The following USP17L7 variants were observed in gnomAD, a reference collection of about 807,000 sequenced individuals.
USP17L7 encodes inactive ubiquitin carboxyl-terminal hydrolase 17-like protein 7.
USP17L7 carries 53 observed loss-of-function variants against 37.6 expected under a neutral mutation model. That is an observed-to-expected ratio of 1.41 (90% confidence interval 1.13 to 1.77). USP17L7 has a LOEUF of 1.77. USP17L7 is among the 40% of genes most tolerant of loss of function. USP17L7 has a pLI of 0.00. For synonymous variants in USP17L7, 330 were observed against 251.0 expected, an observed-to-expected ratio of 1.31 and a Z score of -2.98; for missense variants, 914 against 645.0, an observed-to-expected ratio of 1.42 and a Z score of -4.52.
rs141419210 is a variant in USP17L7, at chr8:12,133,630, G to A, written c.380C>T (p.Thr127Ile). 2.5e-4 allele frequency: 313 copies of A among 1,229,266 alleles called. 23 individuals are homozygous for A. The African/African-American group carries it at 3.8e-3, about 15-fold the overall frequency. The allele number at this position is 1,229,266 out of a possible 1,614,324, so 76.1% of individuals were successfully genotyped here. Reference sequence around the variant, plus strand: ...GGCCCATGTGATGTGAGCTTGCATAGTACAGAACATGCAGCACTTGTGAAG... The same window carrying A: ...GGCCCATGTGATGTGAGCTTGCATAATACAGAACATGCAGCACTTGTGAAG... ...CHLHKCCMFCTMQAHITWALH... is the reference protein window; with the variant it reads ...CHLHKCCMFCIMQAHITWALH... Residue 127 changes from threonine (T) to isoleucine (I), a missense_variant, in exon 1 of 1, where the codon ACT becomes ATT. Transcript: ENST00000530447.
At position 12,133,872 on chromosome 8, in the gene USP17L7, C is replaced by G. The variant is rs1390206826; in HGVS notation, c.138G>C (p.Glu46Asp). 22 of 1,519,314 alleles carry G rather than the reference C, an allele frequency of 1.4e-5. 4 individuals are homozygous for G. The highest frequency in any genetic ancestry group is 1.9e-5 in the Non-Finnish European group (21 of 1,118,282). The allele number at this position is 1,519,314 out of a possible 1,614,324, so 94.1% of individuals were successfully genotyped here. Residue 46 changes from glutamate to aspartate, a missense_variant, in exon 1 of 1, where the codon GAG becomes GAC. Physicochemically the swap from Glu to Asp is conservative, Grantham distance 45 (BLOSUM62 2). Transcript: ENST00000530447. ...SLSEKSPLSSETRFDLCDDLA... is the reference protein window; with the variant it reads ...SLSEKSPLSSDTRFDLCDDLA... Reference sequence around the variant, plus strand: ...AATCATCACAGAGGTCGAAACGGGTCTCAGATGAGAGTGGTGACTTTTCAG... The same window carrying G: ...AATCATCACAGAGGTCGAAACGGGTGTCAGATGAGAGTGGTGACTTTTCAG...
chr8:12,132,772 G>A lies in USP17L7; in HGVS notation c.1238C>T (p.Pro413Leu), dbSNP rs768352653. 2 of 1,523,722 alleles carry A rather than the reference G, an allele frequency of 1.3e-6. No individual in the cohort carries two copies. The highest frequency in any genetic ancestry group is 1.8e-6 in the Non-Finnish European group (2 of 1,119,890). The allele number at this position is 1,523,722 out of a possible 1,614,324, so 94.4% of individuals were successfully genotyped here. A position where few individuals can be genotyped will look rare whatever the true frequency, so the allele number is the denominator to read the frequency against. The change falls in exon 1 of 1, where the codon CCT (proline) becomes CTT (leucine). Residue 413 changes from proline (P) to leucine (L), a missense_variant. By Grantham distance (98) the Pro-to-Leu change is moderately conservative. Transcript: ENST00000530447. ...GTCCAACTCGGGTACCTGGAGGCAA[G>A]GGTGGTCTCTCTTGAGCTCTCCTTG... ...ATQGELKRDHPCLQVPELDEH... is the reference protein window; with the variant it reads ...ATQGELKRDHLCLQVPELDEH...
In USP17L7 at chr8:12,133,998, G is replaced by C. The variant is rs774193678; in HGVS notation, c.12C>G (p.Asp4Glu). Residue 4 changes from aspartate to glutamate, a missense_variant, in exon 1 of 1, where the codon GAC (aspartate) becomes GAG (glutamate). Physicochemically the swap from Asp to Glu is conservative, Grantham distance 45. Transcript: ENST00000530447. MED[D>E]SLYLGGDWQF... is the part of the protein sequence containing the mutation. ...GCCAGTCACCTCCCAAATAGAGTGAGTCGTCTTCCATGTCGCCCGCAACAA... is the reference window on the plus strand; with the variant it reads ...GCCAGTCACCTCCCAAATAGAGTGACTCGTCTTCCATGTCGCCCGCAACAA... The C allele has an allele frequency of 1.1e-5, 12 of 1,066,080 alleles. No individual in the cohort carries two copies. The highest frequency in any genetic ancestry group is 2.7e-5 in the East Asian group (1 of 36,494). 66.0% of individuals were successfully genotyped at this position (1,066,080 alleles called of 1,614,324 possible). A position where few individuals can be genotyped will look rare whatever the true frequency, so the allele number is the denominator to read the frequency against.
At position 12,133,700 on chromosome 8, in the gene USP17L7, G is replaced by A. The variant is rs1803050730; in HGVS notation, c.310C>T (p.Leu104Phe). ...SLQCLTYTLP[L>F]SNYMLSREDS... Reference sequence around the variant, plus strand: ...TCCCGGGACAGCATGTAGTTGGAAAGCGGCAGTGTGTATGTCAGGCACTGC... The same window carrying A: ...TCCCGGGACAGCATGTAGTTGGAAAACGGCAGTGTGTATGTCAGGCACTGC... The change falls in exon 1 of 1, where the codon CTT becomes TTT. Residue 104 changes from leucine to phenylalanine, a missense_variant. Physicochemically the swap from Leu to Phe is conservative, Grantham distance 22. Coordinates refer to ENST00000530447, the MANE Select transcript of USP17L7 (RefSeq NM_001256869.2). The A allele has an allele frequency of 4.7e-6, 6 of 1,284,102 alleles. No homozygotes were observed. The highest frequency in any genetic ancestry group is 2.7e-4 in the Middle Eastern group (1 of 3,678). The allele number at this position is 1,284,102 out of a possible 1,614,324, so 79.5% of individuals were successfully genotyped here.
Position 12,132,965 on chromosome 8 carries a change from T to A in USP17L7, c.1045A>T (p.Met349Leu), listed in dbSNP as rs779401180. ...GAGGCAGTGACCTCGGCATCATCCATTTTATACCACTGGCCTTCTTGAGCT... is the reference window on the plus strand; with the variant it reads ...GAGGCAGTGACCTCGGCATCATCCAATTTATACCACTGGCCTTCTTGAGCT... Reference protein sequence around the residue: ...VKAQEGQWYKMDDAEVTASGI... With the variant: ...VKAQEGQWYKLDDAEVTASGI... The change falls in exon 1 of 1, where the codon ATG becomes TTG. Residue 349 changes from methionine (M) to leucine (L), a missense_variant. By Grantham distance (15) the Met-to-Leu change is conservative. Coordinates refer to ENST00000530447, the MANE Select transcript of USP17L7 (RefSeq NM_001256869.2). 19 of 1,531,242 alleles carry A rather than the reference T, an allele frequency of 1.2e-5. 3 individuals are homozygous for A. The Admixed American group carries it at 3.3e-4, about 27-fold the overall frequency. The allele number at this position is 1,531,242 out of a possible 1,614,324, so 94.9% of individuals were successfully genotyped here. A position where few individuals can be genotyped will look rare whatever the true frequency, so the allele number is the denominator to read the frequency against.
rs760745770 is a variant in USP17L7, at chr8:12,132,453, G to A, written c.1557C>T (p.Asn519=). 2.1e-6 allele frequency: 3 copies of A among 1,442,310 alleles called. No individual in the cohort carries two copies. Among genetic ancestry groups the A allele is most frequent in the Non-Finnish European group, 1.9e-6 (2 of 1,049,510 alleles). The allele number at this position is 1,442,310 out of a possible 1,614,324, so 89.3% of individuals were successfully genotyped here. The change falls in exon 1 of 1, where the codon AAC becomes AAT. Residue 519 remains asparagine (N), a synonymous_variant. Coordinates refer to ENST00000530447, the MANE Select transcript of USP17L7 (RefSeq NM_001256869.2). Reference sequence around the variant, plus strand: ...CAAGCAGAGATCTCTTGCTGTGTTTGTTATTCCCTTTGGATCTCCTGGTGC... The same window carrying A: ...CAAGCAGAGATCTCTTGCTGTGTTTATTATTCCCTTTGGATCTCCTGGTGC... The part of the protein sequence containing the change: ...QGSTRRSKGN[N]KHSKRSLLVC...
Position 12,134,024 on chromosome 8 carries a change from G to T in USP17L7, c.-15C>A. 1.0e-6 allele frequency: 1 copy of T among 954,908 alleles called. No individual in the cohort carries two copies. The highest frequency in any genetic ancestry group is 1.6e-6 in the Non-Finnish European group (1 of 607,740). 59.2% of individuals were successfully genotyped at this position (954,908 alleles called of 1,614,324 possible). A position where few individuals can be genotyped will look rare whatever the true frequency, so the allele number is the denominator to read the frequency against. On this transcript the variant is annotated 5_prime_UTR_variant, in exon 1 of 1. Coordinates refer to ENST00000530447, the MANE Select transcript of USP17L7 (RefSeq NM_001256869.2). ...TCGTCTTCCATGTCGCCCGCAACAA[G>T]GATCACAAGGTTTTTCTGCTGGGAC...
Position 12,133,917 on chromosome 8 carries a change from T to G in USP17L7, c.93A>C (p.Glu31Asp). ...TSSRLDAAFA[E>D]IQRTSLSEKS... ...TTTCAGAGAGAGAAGTCCGCTGGAT[T>G]TCAGCAAAAGCTGCATCTAGCCGAG... The change falls in exon 1 of 1, where the codon GAA becomes GAC. Residue 31 changes from glutamate (E) to aspartate (D), a missense_variant. Glu to Asp is a conservative substitution (Grantham distance 45). Transcript: ENST00000530447. 2 of 1,457,070 alleles carry G rather than the reference T, an allele frequency of 1.4e-6. No individual in the cohort carries two copies. The highest frequency in any genetic ancestry group is 1.9e-6 in the Non-Finnish European group (2 of 1,063,272). The allele number at this position is 1,457,070 out of a possible 1,614,324, so 90.3% of individuals were successfully genotyped here. A position where few individuals can be genotyped will look rare whatever the true frequency, so the allele number is the denominator to read the frequency against.
In USP17L7 at chr8:12,133,645, C is replaced by T. The variant is rs752179388; in HGVS notation, c.365G>A (p.Cys122Tyr). 34 of 1,227,684 alleles carry T rather than the reference C, an allele frequency of 2.8e-5. 5 individuals are homozygous for T. In the South Asian group the frequency reaches 3.5e-4, roughly 13 times the overall value. 76.0% of individuals were successfully genotyped at this position (1,227,684 alleles called of 1,614,324 possible). Reference sequence around the variant, plus strand: ...AGCTTGCATAGTACAGAACATGCAGCACTTGTGAAGATGACACGTTTGAGA... The same window carrying T: ...AGCTTGCATAGTACAGAACATGCAGTACTTGTGAAGATGACACGTTTGAGA... ...EDSQTCHLHK[C>Y]CMFCTMQAHI... The change falls in exon 1 of 1, where the codon TGC (cysteine) becomes TAC (tyrosine). Residue 122 changes from cysteine to tyrosine, a missense_variant. Transcript: ENST00000530447.
rs138217195 is a variant in USP17L7 at position 12,132,805 on chromosome 8, G to C, written c.1205C>G (p.Pro402Arg). Residue 402 changes from proline to arginine, a missense_variant, in exon 1 of 1, where the codon CCA becomes CGA. Physicochemically the swap from Pro to Arg is moderately radical, Grantham distance 103. Coordinates refer to ENST00000530447, the MANE Select transcript of USP17L7 (RefSeq NM_001256869.2). ...TCTCTTGAGCTCTCCTTGCGTTGCT[G>C]GCCTGTCTGTGTCTTCAGCACCAAG... ...RALGAEDTDR[P>R]ATQGELKRDH... 222,397 of 1,497,514 alleles carry C rather than the reference G, an allele frequency of 0.15. 17,371 individuals are homozygous for C. The highest frequency in any genetic ancestry group is 0.24 in the Middle Eastern group (1,298 of 5,492). The allele number at this position is 1,497,514 out of a possible 1,614,324, so 92.8% of individuals were successfully genotyped here.
chr8:12,133,844 C>T lies in USP17L7; in HGVS notation c.166G>A (p.Ala56Thr). The T allele has an allele frequency of 6.5e-7, 1 of 1,527,966 alleles. No homozygotes were observed. Among genetic ancestry groups the T allele is most frequent in the Non-Finnish European group, 8.9e-7 (1 of 1,125,814 alleles). 94.7% of individuals were successfully genotyped at this position (1,527,966 alleles called of 1,614,324 possible). A position where few individuals can be genotyped will look rare whatever the true frequency, so the allele number is the denominator to read the frequency against. ...GGAGCAAGCTGTCTTGCCACAGGAG[C>T]CAAATCATCACAGAGGTCGAAACGG... ...ETRFDLCDDL[A>T]PVARQLAPRE... The change falls in exon 1 of 1, where the codon GCT becomes ACT. Residue 56 changes from alanine (A) to threonine (T), a missense_variant. By Grantham distance (58) the Ala-to-Thr change is moderately conservative (BLOSUM62 0). Transcript: ENST00000530447.
At position 12,133,216 on chromosome 8, in the gene USP17L7, T is replaced by C. The variant is rs765510960; in HGVS notation, c.794A>G (p.Lys265Arg). 8 of 1,504,538 alleles carry C rather than the reference T, an allele frequency of 5.3e-6. No individual in the cohort carries two copies. The highest frequency in any genetic ancestry group is 3.6e-6 in the Non-Finnish European group (4 of 1,106,206). 93.2% of individuals were successfully genotyped at this position (1,504,538 alleles called of 1,614,324 possible). ...GLCLQKAPAS[K>R]TLTLPTSAKV... ...GGCAGAAGTGGGTAAAGTTAACGTC[T>C]TGGAGGCAGGCGCCTTCTGGAGACA... The change falls in exon 1 of 1, where the codon AAG (lysine) becomes AGG (arginine). Residue 265 changes from lysine to arginine, a missense_variant. Lys to Arg is a conservative substitution (Grantham distance 26). Coordinates refer to ENST00000530447, the MANE Select transcript of USP17L7 (RefSeq NM_001256869.2).
chr8:12,132,516 C>G lies in USP17L7; in HGVS notation c.1494G>C (p.Glu498Asp). 6.7e-7 allele frequency: 1 copy of G among 1,496,672 alleles called. No individual in the cohort carries two copies. Among genetic ancestry groups the G allele is most frequent in the Admixed American group, 1.8e-5 (1 of 56,968 alleles). The allele number at this position is 1,496,672 out of a possible 1,614,324, so 92.7% of individuals were successfully genotyped here. The change falls in exon 1 of 1, where the codon GAG (glutamate) becomes GAC (aspartate). Residue 498 changes from glutamate (E) to aspartate (D), a missense_variant. By Grantham distance (45) the Glu-to-Asp change is conservative (BLOSUM62 2). Coordinates refer to ENST00000530447, the MANE Select transcript of USP17L7 (RefSeq NM_001256869.2). ...NLSSTKPTDQ[E>D]SMNTGTLASL... Reference sequence around the variant, plus strand: ...AAGCGAGTGTGCCAGTGTTCATGGACTCCTGATCTGTCGGTTTCGTCGAAG... The same window carrying G: ...AAGCGAGTGTGCCAGTGTTCATGGAGTCCTGATCTGTCGGTTTCGTCGAAG...
At position 12,133,773 on chromosome 8, in the gene USP17L7, C is replaced by G; in HGVS notation, c.237G>C (p.Gly79=). 6.7e-7 allele frequency: 1 copy of G among 1,486,550 alleles called. No individual in the cohort carries two copies. Among genetic ancestry groups the G allele is most frequent in the Non-Finnish European group, 9.2e-7 (1 of 1,088,818 alleles). 92.1% of individuals were successfully genotyped at this position (1,486,550 alleles called of 1,614,324 possible). A position where few individuals can be genotyped will look rare whatever the true frequency, so the allele number is the denominator to read the frequency against. ...PLSSRRPAAV[G]AGLQKIGNTF... is the part of the protein sequence containing the mutation. ...TATTTCCTATCTTCTGGAGCCCAGC[C>G]CCCACCGCAGCAGGTCTCCTGCTAC... The change falls in exon 1 of 1, where the codon GGG becomes GGC. Residue 79 remains glycine (G), a synonymous_variant. Coordinates refer to ENST00000530447, the MANE Select transcript of USP17L7 (RefSeq NM_001256869.2).
Position 12,133,188 on chromosome 8 carries a change from C to T in USP17L7, c.822G>A (p.Lys274=), listed in dbSNP as rs777717606. 2.6e-6 allele frequency: 4 copies of T among 1,511,796 alleles called. No homozygotes were observed. Among genetic ancestry groups the T allele is most frequent in the Non-Finnish European group, 2.7e-6 (3 of 1,111,286 alleles). The allele number at this position is 1,511,796 out of a possible 1,614,324, so 93.6% of individuals were successfully genotyped here. The change falls in exon 1 of 1, where the codon AAG becomes AAA. Residue 274 remains lysine (K), a synonymous_variant. Coordinates refer to ENST00000530447, the MANE Select transcript of USP17L7 (RefSeq NM_001256869.2). ...SKTLTLPTSA[K]VLILVLKRFS... ...ATCTCTTCAATACAAGAATGAGGACCTTGGCAGAAGTGGGTAAAGTTAACG... is the reference window on the plus strand; with the variant it reads ...ATCTCTTCAATACAAGAATGAGGACTTTGGCAGAAGTGGGTAAAGTTAACG...
chr8:12,133,993 A>T lies in USP17L7; in HGVS notation c.17T>A (p.Leu6His). MEDDS[L>H]YLGGDWQFNH... ...GAACTGCCAGTCACCTCCCAAATAG[A>T]GTGAGTCGTCTTCCATGTCGCCCGC... Residue 6 changes from leucine to histidine, a missense_variant, in exon 1 of 1, where the codon CTC (leucine) becomes CAC (histidine). Coordinates refer to ENST00000530447, the MANE Select transcript of USP17L7 (RefSeq NM_001256869.2). 1 of 1,082,244 alleles carries T rather than the reference A, an allele frequency of 9.2e-7. No individual in the cohort carries two copies. The highest frequency in any genetic ancestry group is 1.5e-5 in the African/African-American group (1 of 64,568). The allele number at this position is 1,082,244 out of a possible 1,614,324, so 67.0% of individuals were successfully genotyped here.
chr8:12,132,456 A>T lies in USP17L7; in HGVS notation c.1554T>A (p.Asn518Lys). 2 of 1,438,608 alleles carry T rather than the reference A, an allele frequency of 1.4e-6. No individual in the cohort carries two copies. The highest frequency in any genetic ancestry group is 1.9e-6 in the Non-Finnish European group (2 of 1,046,988). The allele number at this position is 1,438,608 out of a possible 1,614,324, so 89.1% of individuals were successfully genotyped here. The part of the protein sequence containing the change: ...LQGSTRRSKG[N>K]NKHSKRSLLV... ...GCAGAGATCTCTTGCTGTGTTTGTT[A>T]TTCCCTTTGGATCTCCTGGTGCTCC... Residue 518 changes from asparagine (N) to lysine (K), a missense_variant, in exon 1 of 1, where the codon AAT becomes AAA. By Grantham distance (94) the Asn-to-Lys change is moderately conservative. Transcript: ENST00000530447.
chr8:12,133,977 G>T lies in USP17L7; in HGVS notation c.33C>A (p.Asp11Glu), dbSNP rs760391238. Residue 11 changes from aspartate (D) to glutamate (E), a missense_variant, in exon 1 of 1, where the codon GAC (aspartate) becomes GAA (glutamate). Physicochemically the swap from Asp to Glu is conservative, Grantham distance 45 (BLOSUM62 2). Transcript: ENST00000530447. Reference sequence around the variant, plus strand: ...GTTTTGAAAAGTGATTGAACTGCCAGTCACCTCCCAAATAGAGTGAGTCGT... The same window carrying T: ...GTTTTGAAAAGTGATTGAACTGCCATTCACCTCCCAAATAGAGTGAGTCGT... MEDDSLYLGG[D>E]WQFNHFSKLT... The T allele has an allele frequency of 1.1e-5, 13 of 1,147,130 alleles. 1 individual carries two copies. In the Admixed American group the frequency reaches 1.4e-4, roughly 12 times the overall value. 71.1% of individuals were successfully genotyped at this position (1,147,130 alleles called of 1,614,324 possible). A position where few individuals can be genotyped will look rare whatever the true frequency, so the allele number is the denominator to read the frequency against.
Position 12,134,042 on chromosome 8 carries a change from G to C in USP17L7, c.-33C>G, listed in dbSNP as rs762405907. 1.1e-6 allele frequency: 1 copy of C among 898,944 alleles called. No individual in the cohort carries two copies. The highest frequency in any genetic ancestry group is 1.8e-6 in the Non-Finnish European group (1 of 557,584). 55.7% of individuals were successfully genotyped at this position (898,944 alleles called of 1,614,324 possible). On this transcript the variant is annotated 5_prime_UTR_variant, in exon 1 of 1. Coordinates refer to ENST00000530447, the MANE Select transcript of USP17L7 (RefSeq NM_001256869.2). The stretch of plus-strand genomic sequence containing the variant: ...GCAACAAGGATCACAAGGTTTTTCT[G>C]CTGGGACCGCAGGTTGCAGCAAGAC...
Sources: gnomAD v4.1 joint callset for allele counts on GRCh38, gnomAD v4.1.1 for gene constraint, MANE v1.5 for transcripts, NCBI Gene and HGNC (gene_info 2026-07-23, HGNC 2026-07-21) for gene names.